Variants in ATP8A2 observed in about 807,000 individuals in gnomAD.
ATP8A2 encodes the protein phospholipid-transporting ATPase IB.
ATP8A2 carries 100 observed loss-of-function variants against 165.6 expected under a neutral mutation model. The ratio of observed to expected loss-of-function variants is 0.60; its 90% CI spans 0.51 to 0.71. The LOEUF is 0.71. ATP8A2 is among the 30% of genes least tolerant of loss of function. ATP8A2 has a pLI of 0.00. For missense variants in ATP8A2, 1,227 were observed against 1,479.5 expected, an observed-to-expected ratio of 0.83 and a Z score of 2.80; for synonymous variants, 543 against 548.8, an observed-to-expected ratio of 0.99 and a Z score of 0.15.
chr13:25,680,072 C>T (rs10492430), intron 24 of ATP8A2, among the ~76,000 whole-genome samples: 4,568 of 152,126 alleles, frequency 0.03, 122 homozygotes, highest in East Asian at 0.13. Flanking sequence ...TCATGCTCTA[C>T]GTTCTTGGTG....
chr13:25,698,225 T>G (rs1593214882), intron 24 of ATP8A2, among the ~76,000 whole-genome samples: 1 of 71,936 alleles, frequency 1.4e-5, no homozygotes, highest in African/African-American at 5.3e-5. Context: ...AGAACGTCTG[T>G]TTTTTTTTTT....
intron 33 of ATP8A2, among the ~76,000 whole-genome samples, chr13:25,958,161 T>A (rs1335203422): frequency 6.6e-6 from 1 of 151,788 alleles, no homozygotes; most frequent in African/African-American, 2.4e-5. Context: ...AAGGATAGCA[T>A]TAGGAGAAAT....
chr13:25,526,417 G>C (rs921587347), intron 2 of ATP8A2, among the ~76,000 whole-genome samples: 12 of 152,152 alleles, frequency 7.9e-5, no homozygotes, highest in African/African-American at 2.9e-4. Context: ...AGTTTTCTCT[G>C]TCTGGATTCT....
At chr13:25,430,305 G>C (rs916136632) in intron 1 of ATP8A2, among the ~76,000 whole-genome samples, 4 of 152,104 alleles carry the variant, frequency 2.6e-5, no homozygotes, top group African/African-American at 9.7e-5. Context: ...TGGACATGGG[G>C]GGGCCCGTGT....
intron 27 of ATP8A2, among the ~76,000 whole-genome samples, chr13:25,809,938 A>G (rs1464926844): frequency 6.6e-6 from 1 of 152,166 alleles, no homozygotes; most frequent in Admixed American, 6.5e-5. Context: ...GTCAAGTCGT[A>G]ATTAATGTGT....
intron 25 of ATP8A2, among the ~76,000 whole-genome samples, chr13:25,753,107 G>C (rs2044188392): frequency 6.6e-6 from 1 of 152,184 alleles, no homozygotes; most frequent in African/African-American, 2.4e-5. Context: ...CAAGAGAAGG[G>C]ACAGACAGGG....
chr13:25,932,064 A>G (rs1293910954), intron 33 of ATP8A2, among the ~76,000 whole-genome samples: 2 of 143,228 alleles, frequency 1.4e-5, no homozygotes, highest in East Asian at 3.9e-4. Context: ...AAAAAAAAAG[A>G]AAGAAAGAAA....
At chr13:25,545,365 C>G (rs1246644333) in intron 10 of ATP8A2, among the ~76,000 whole-genome samples, 1 of 152,058 alleles carries the variant, frequency 6.6e-6, no homozygotes, top group African/African-American at 2.4e-5. Context: ...TTTATTGTTT[C>G]TGAGCGGCCT....
At chr13:25,424,686 G>A (rs1338383951) in intron 1 of ATP8A2, among the ~76,000 whole-genome samples, 3 of 152,142 alleles carry the variant, frequency 2.0e-5, no homozygotes, top group African/African-American at 4.8e-5. Flanking sequence ...GGCCAGGCGC[G>A]GTGGCTCATG....
chr13:25,718,327 C>T (rs1460979192), intron 25 of ATP8A2, among the ~76,000 whole-genome samples: 1 of 152,138 alleles, frequency 6.6e-6, no homozygotes, highest in Non-Finnish European at 1.5e-5. Context: ...ATCACAGAGA[C>T]TCGGGGTCAG....
intron 24 of ATP8A2, among the ~76,000 whole-genome samples, chr13:25,594,861 G>T (rs2040190646): frequency 6.6e-6 from 1 of 151,982 alleles, no homozygotes; most frequent in African/African-American, 2.4e-5. Context: ...AGAAGTCATT[G>T]TACAAAAAAG....
Position 25,953,160 on chromosome 13 carries a change from T to A in ATP8A2, c.3184-8415T>A, listed in dbSNP as rs1955417585. ...GGGTGGGAATGGATTGGAAAAATTG[T>A]CCCCTCCTGTGTTTCTTTTCGTCTT... On this transcript the variant is annotated intron_variant, in intron 33 of 36. Coordinates refer to ENST00000381655, the MANE Select transcript of ATP8A2 (RefSeq NM_016529.6). This position sits in a 1 kb window ranked among gnomAD's most constrained non-coding sequence, Gnocchi z 6.7. Among the ~76,000 whole-genome samples the A allele has an allele frequency of 6.6e-6, 1 of 152,256 alleles. No individual in the cohort carries two copies. Among genetic ancestry groups the A allele is most frequent in the East Asian group, 1.9e-4 (1 of 5,172 alleles).
intron 1 of ATP8A2, among the ~76,000 whole-genome samples, chr13:25,435,912 C>CGTGTGTGTGTGTGTGTGTGA (rs1237603910): frequency 1.8e-5 from 1 of 56,710 alleles, no homozygotes; most frequent in African/African-American, 4.0e-5. Context: ...GAAAAAGCAT[C>CGTGTGTGTGTGTGTGTGTGA]GTGTGTGTGT....
chr13:25,490,153 T>A (rs1470348848), intron 2 of ATP8A2, among the ~76,000 whole-genome samples: 1 of 152,196 alleles, frequency 6.6e-6, no homozygotes, highest in Non-Finnish European at 1.5e-5. Context: ...ATGATCCATT[T>A]CCATGGCTAA....
intron 33 of ATP8A2, chr13:25,950,664 G>A (rs915751732): frequency 6.6e-6 from 1 of 152,294 alleles, no homozygotes; most frequent in East Asian, 1.9e-4. Context: ...TTGCTTCAGG[G>A]TTTCCTTTCT....
In ATP8A2 at chr13:25,932,138, C is replaced by T. The variant is rs535261077; in HGVS notation, c.3184-29437C>T. 2.0e-5 allele frequency among the ~76,000 whole-genome samples: 3 copies of T among 152,048 alleles called. No individual in the cohort carries two copies. The South Asian group carries it at 6.3e-4, about 32-fold the overall frequency. On this transcript the variant is annotated intron_variant, in intron 33 of 36. Coordinates refer to ENST00000381655, the MANE Select transcript of ATP8A2 (RefSeq NM_016529.6). ...AAACTTACCCACACAGTGATGGATGCTCCCCGTACAGTAGAAAAAATGTAG... is the reference window on the plus strand; with the variant it reads ...AAACTTACCCACACAGTGATGGATGTTCCCCGTACAGTAGAAAAAATGTAG...
At chr13:25,378,059 A>G (rs2032700867) in intron 1 of ATP8A2, among the ~76,000 whole-genome samples, 1 of 152,108 alleles carries the variant, frequency 6.6e-6, no homozygotes, top group African/African-American at 2.4e-5. Context: ...TTGAGGCTGC[A>G]ATGAGCTACT....
At chr13:25,792,633 A>G (rs1047717142) in intron 27 of ATP8A2, among the ~76,000 whole-genome samples, 3 of 152,174 alleles carry the variant, frequency 2.0e-5, no homozygotes, top group Non-Finnish European at 2.9e-5. Context: ...CTTTGGGCCC[A>G]GACACAGTGG....
intron 1 of ATP8A2, among the ~76,000 whole-genome samples, chr13:25,425,789 GA>G (rs1167117922): frequency 3.9e-5 from 6 of 151,974 alleles, no homozygotes; most frequent in Admixed American, 1.3e-4. Flanking sequence ...TGTTAGCCAG[GA>G]TGGTCTCGAT....
Sources: gnomAD v4.1 joint callset for allele counts (sites outside exome capture counted in the v4.1 genomes callset) on GRCh38, gnomAD v4.1.1 for gene constraint, Gnocchi (gnomAD v3.1) non-coding constraint, MANE v1.5 for transcripts, NCBI Gene and HGNC (gene_info 2026-07-23, HGNC 2026-07-21) for gene names.